ECM2: variants seen among roughly 807,000 people sequenced by gnomAD.
ECM2 encodes extracellular matrix protein 2.
In ECM2, 57 loss-of-function variants were observed where a neutral mutation model predicts 67.5. That is an observed-to-expected ratio of 0.84 (90% CI 0.68 to 1.05). ECM2 has a LOEUF of 1.05. ECM2 is among the 50% of genes least tolerant of loss of function. The pLI, the probability that ECM2 is intolerant of heterozygous loss-of-function variation, is 0.00. For synonymous variants in ECM2, 258 were observed against 294.5 expected, an observed-to-expected ratio of 0.88 and a Z score of 1.27; for missense variants, 741 against 822.8, an observed-to-expected ratio of 0.90 and a Z score of 1.22.
intron 1 of ECM2, among the ~76,000 whole-genome samples, chr9:92,533,323 AAAAAAATATATATATATATATAT>A (rs1848950612): frequency 1.0e-5 from 1 of 99,106 alleles, no homozygotes; most frequent in African/African-American, 3.9e-5. Context: ...AAAAAAAAAA[AAAAAAATATATATATATATATAT>A]ATATATATAT....
At position 92,534,479 on chromosome 9, in the gene ECM2, T is replaced by TA. The variant is rs1849048340; in HGVS notation, c.-28+1453dup. ...CATACAAACCTTTCTTCAGCGTATA[T>TA]ATACATTAATTGCCACAGTCATTTG... is the stretch of plus-strand genomic sequence containing the variant. On this transcript the variant is annotated intron_variant, in intron 1 of 9. Transcript: ENST00000344604. Among the ~76,000 whole-genome samples, 3 of 152,218 alleles carry TA rather than the reference T, an allele frequency of 2.0e-5. No homozygotes were observed. The South Asian group carries it at 6.2e-4, about 31-fold the overall frequency.
At chr9:92,497,097 C>A (rs1370960894) in intron 9 of ECM2, among the ~76,000 whole-genome samples, 1 of 152,174 alleles carries the variant, frequency 6.6e-6, no homozygotes. Context: ...CCTTTGCACT[C>A]TGCATTCCCA....
the ECM2 span, among the ~76,000 whole-genome samples, chr9:92,546,191 C>T: frequency 8.5e-5 from 13 of 152,132 alleles, no homozygotes; most frequent in East Asian, 2.3e-3. Context: ...CAGTCAGTAC[C>T]CTGTCAAAAC....
rs191738373 is a variant in ECM2, at chr9:92,496,283, A to G, written c.*32T>C. 11 of 1,548,624 alleles carry G rather than the reference A, an allele frequency of 7.1e-6. No homozygotes were observed. In the African/African-American group the frequency reaches 1.5e-4, roughly 22 times the overall value. On this transcript the variant is annotated 3_prime_UTR_variant, in exon 10 of 10. Coordinates refer to ENST00000344604, the MANE Select transcript of ECM2 (RefSeq NM_001393.4). ...ATGCAGCTACTACAAATACATGAGT[A>G]AAGTTTATAAACAGCAAAGGAAAAC...
the ECM2 span, among the ~76,000 whole-genome samples, chr9:92,552,065 A>ATATGATAGATCTATCATATATGTGT: frequency 7.6e-6 from 1 of 131,612 alleles, no homozygotes. Flanking sequence ...CATATATGTG[A>ATATGATAGATCTATCATATATGTGT]TATGATAGAT....
chr9:92,515,577 T>C (rs750369924), intron 3 of ECM2, among the ~76,000 whole-genome samples: 3 of 152,220 alleles, frequency 2.0e-5, no homozygotes, highest in Non-Finnish European at 4.4e-5. Flanking sequence ...ACCTTTATAA[T>C]AGATACTGTT....
In ECM2 at chr9:92,514,968, A is replaced by G. The variant is rs764420685; in HGVS notation, c.717T>C (p.Leu239=). 6.2e-7 allele frequency: 1 copy of G among 1,613,400 alleles called. No homozygotes were observed. Among genetic ancestry groups the G allele is most frequent in the South Asian group, 1.1e-5 (1 of 91,022 alleles). The part of the protein sequence containing the change: ...ETPESRNQGQ[L]YSEGDSRGGD... ...CTCCTCTGCTGTCCCCCTCACTGTA[A>G]AGTTGCCCCTGATTTCTAGATTCAG... The change falls in exon 4 of 10, where the codon CTT becomes CTC. Residue 239 remains leucine (L), a synonymous_variant. Transcript: ENST00000344604.
intron 1 of ECM2, among the ~76,000 whole-genome samples, chr9:92,526,400 G>A (rs1848413240): frequency 6.6e-6 from 1 of 152,082 alleles, no homozygotes; most frequent in Non-Finnish European, 1.5e-5. Flanking sequence ...TGAAAACACA[G>A]CACACCAAAA....
At chr9:92,512,953 T>C (rs1332846167) in intron 4 of ECM2, among the ~76,000 whole-genome samples, 1 of 152,180 alleles carries the variant, frequency 6.6e-6, no homozygotes, top group East Asian at 1.9e-4. Context: ...TAGGTGATCA[T>C]ATGAAAGTAG....
chr9:92,521,576 T>G (rs1024325755), intron 2 of ECM2, among the ~76,000 whole-genome samples: 5 of 152,224 alleles, frequency 3.3e-5, no homozygotes, highest in Non-Finnish European at 7.3e-5. Context: ...TTTTCTGTTA[T>G]TCTTTTGAAA....
chr9:92,495,564 T>G lies in ECM2; in HGVS notation c.*751A>C. Reference sequence around the variant, plus strand: ...CTGCTTTTCAAAAAATGTCTTAATCTTGAGTGAGGAATAGTGAAGGTAATC... The same window carrying G: ...CTGCTTTTCAAAAAATGTCTTAATCGTGAGTGAGGAATAGTGAAGGTAATC... On this transcript the variant is annotated 3_prime_UTR_variant, in exon 10 of 10. Transcript: ENST00000344604. 1.0e-6 allele frequency: 1 copy of G among 980,000 alleles called. No homozygotes were observed. 60.7% of individuals were successfully genotyped at this position (980,000 alleles called of 1,614,324 possible).
At position 92,514,965 on chromosome 9, in the gene ECM2, G is replaced by A. The variant is rs1277136852; in HGVS notation, c.720C>T (p.Tyr240=). Residue 240 remains tyrosine (Y), a synonymous_variant, in exon 4 of 10, where the codon TAC becomes TAT. Transcript: ENST00000344604. ...TPESRNQGQL[Y]SEGDSRGGDR... ...CTCCTCCTCTGCTGTCCCCCTCACT[G>A]TAAAGTTGCCCCTGATTTCTAGATT... The A allele has an allele frequency of 6.2e-7, 1 of 1,613,980 alleles. No individual in the cohort carries two copies. Among genetic ancestry groups the A allele is most frequent in the Non-Finnish European group, 8.5e-7 (1 of 1,180,000 alleles).
At chr9:92,527,966 C>T (rs1447333562) in intron 1 of ECM2, 1 of 153,684 alleles carries the variant, frequency 6.5e-6, no homozygotes, top group Non-Finnish European at 1.5e-5. Context: ...CAGAGTGGCT[C>T]CATGAAGTAG....
intron 6 of ECM2, among the ~76,000 whole-genome samples, chr9:92,508,267 C>T (rs779715981): frequency 1.3e-5 from 2 of 152,198 alleles, no homozygotes; most frequent in Non-Finnish European, 2.9e-5. Flanking sequence ...GTATCTGAGC[C>T]GGAGGACAGA....
In ECM2 at chr9:92,505,392, A is replaced by G. The variant is rs1846939713; in HGVS notation, c.1464+141T>C. 3 of 729,356 alleles carry G rather than the reference A, an allele frequency of 4.1e-6. No individual in the cohort carries two copies. The East Asian group carries it at 9.8e-5, about 24-fold the overall frequency. The allele number at this position is 729,356 out of a possible 1,614,324, so 45.2% of individuals were successfully genotyped here. On this transcript the variant is annotated intron_variant, in intron 7 of 9. Coordinates refer to ENST00000344604, the MANE Select transcript of ECM2 (RefSeq NM_001393.4). ...TTTTGTATTGCTTGAAGAAAAAACA[A>G]TGCTTAAATTACAGGAAATTCTGTA...
Position 92,495,515 on chromosome 9 carries a change from A to T in ECM2, c.*800T>A, listed in dbSNP as rs1846304098. On this transcript the variant is annotated 3_prime_UTR_variant, in exon 10 of 10. Coordinates refer to ENST00000344604, the MANE Select transcript of ECM2 (RefSeq NM_001393.4). ...TACAAGGTTATAGTCAAGAATAATTAATTTGTATTTTAAGCAAACTCTACT... is the reference window on the plus strand; with the variant it reads ...TACAAGGTTATAGTCAAGAATAATTTATTTGTATTTTAAGCAAACTCTACT... The T allele has an allele frequency of 2.0e-6, 2 of 983,420 alleles. No individual in the cohort carries two copies. Among genetic ancestry groups the T allele is most frequent in the Non-Finnish European group, 2.4e-6 (2 of 828,098 alleles). The allele number at this position is 983,420 out of a possible 1,614,324, so 60.9% of individuals were successfully genotyped here.
intron 5 of ECM2, among the ~76,000 whole-genome samples, chr9:92,510,656 G>T (rs1186846292): frequency 6.6e-6 from 1 of 152,182 alleles, no homozygotes; most frequent in African/African-American, 2.4e-5. Context: ...CCACAAGTGG[G>T]GACCTGTGGT....
chr9:92,502,305 C>A (rs1002076197), intron 8 of ECM2, among the ~76,000 whole-genome samples: 2 of 152,182 alleles, frequency 1.3e-5, no homozygotes, highest in Admixed American at 1.3e-4. Flanking sequence ...ATAATCCTAA[C>A]ACCAGTCATG....
At chr9:92,534,630 C>T (rs1394717713) in intron 1 of ECM2, among the ~76,000 whole-genome samples, 2 of 152,062 alleles carry the variant, frequency 1.3e-5, no homozygotes, top group Non-Finnish European at 2.9e-5. Context: ...AAAGAAGGAC[C>T]AAATCCATTA....
Sources: allele counts gnomAD v4.1 joint callset (sites outside exome capture counted in the v4.1 genomes callset), GRCh38; gene constraint gnomAD v4.1.1; transcripts MANE v1.5; gene names NCBI Gene and HGNC (gene_info 2026-07-23, HGNC 2026-07-21).